The following NEK10 variants were observed in gnomAD, a reference collection of about 807,000 sequenced individuals.
The protein encoded by NEK10 is NIMA related kinase 10.
Under a neutral mutation model 159.8 loss-of-function variants are expected in NEK10, and 122 were observed. The observed-to-expected ratio is 0.76, with a 90% CI of 0.66 to 0.89. The LOEUF is 0.89. NEK10 is among the 40% of genes least tolerant of loss of function. NEK10 has a pLI of 0.00. For synonymous variants in NEK10, 466 were observed against 457.1 expected, an observed-to-expected ratio of 1.02 and a Z score of -0.25; for missense variants, 1,342 against 1,323.1, an observed-to-expected ratio of 1.01 and a Z score of -0.22.
intron 30 of NEK10, among the ~76,000 whole-genome samples, chr3:27,156,601 G>A (rs1945447136): frequency 1.3e-5 from 2 of 151,834 alleles, no homozygotes; most frequent in African/African-American, 4.8e-5. Flanking sequence ...ACCAAAATGC[G>A]ATACCACCTT....
At chr3:27,255,289 T>C (rs1473530112) in intron 23 of NEK10, 1 of 436,368 alleles carries the variant, frequency 2.3e-6, no homozygotes, top group Admixed American at 2.5e-5. Flanking sequence ...TTTCTTTGCA[T>C]CTTCTCATGA....
intron 22 of NEK10, among the ~76,000 whole-genome samples, chr3:27,264,436 T>C (rs1038787043): frequency 2.6e-5 from 4 of 152,100 alleles, no homozygotes; most frequent in African/African-American, 9.7e-5. Flanking sequence ...AAAAGCATAA[T>C]ACATAATGAT....
At position 27,108,251 on chromosome 3, in the gene NEK10, C is replaced by T. The variant is rs1053214991; in HGVS notation, c.*3021G>A. Among the ~76,000 whole-genome samples, 1 of 152,196 alleles carries T rather than the reference C, an allele frequency of 6.6e-6. No individual in the cohort carries two copies. The highest frequency in any genetic ancestry group is 6.5e-5 in the Admixed American group (1 of 15,282). On this transcript the variant is annotated 3_prime_UTR_variant, in exon 36 of 36. Transcript: ENST00000691995. ...TCTGTAAACACTGCCTAATGCCATA[C>T]AAGTGTCCACAATAAACAAGCAGCA... is the stretch of plus-strand genomic sequence containing the variant.
chr3:27,314,840 C>A (rs1025364373), intron 6 of NEK10, among the ~76,000 whole-genome samples: 3 of 152,192 alleles, frequency 2.0e-5, no homozygotes, highest in Admixed American at 2.0e-4. Flanking sequence ...CAGAATCCTG[C>A]ACCCACCCCA....
At chr3:27,163,543 A>G (rs963076339) in intron 29 of NEK10, among the ~76,000 whole-genome samples, 4 of 151,776 alleles carry the variant, frequency 2.6e-5, no homozygotes, top group African/African-American at 7.3e-5. Context: ...TAGTAGAGAC[A>G]GTGTTTCACC....
chr3:27,176,891 T>C (rs1332653407), intron 26 of NEK10, among the ~76,000 whole-genome samples: 1 of 152,234 alleles, frequency 6.6e-6, no homozygotes. Flanking sequence ...GATGCTGGAA[T>C]TCAAATATCC....
chr3:27,154,413 T>C (rs1945199346), intron 30 of NEK10, among the ~76,000 whole-genome samples: 1 of 152,178 alleles, frequency 6.6e-6, no homozygotes, highest in Non-Finnish European at 1.5e-5. Flanking sequence ...TTCCATAAGA[T>C]AGAGAAAGAG....
chr3:27,324,819 A>G (rs188789250), intron 5 of NEK10, among the ~76,000 whole-genome samples: 16 of 152,282 alleles, frequency 1.1e-4, no homozygotes, highest in South Asian at 8.3e-4. Context: ...ACCATGACTC[A>G]TAGGCCCTCC....
chr3:27,278,009 C>A (rs1429654483), intron 22 of NEK10, among the ~76,000 whole-genome samples: 1 of 152,142 alleles, frequency 6.6e-6, no homozygotes, highest in African/African-American at 2.4e-5. Flanking sequence ...CTGTAAAGAC[C>A]AGATAGTAAA....
In NEK10 at chr3:27,304,942, C is replaced by G; in HGVS notation, c.833G>C (p.Cys278Ser). Residue 278 changes from cysteine (C) to serine (S), a missense_variant, in exon 12 of 36, where the codon TGT (cysteine) becomes TCT (serine). By Grantham distance (112) the Cys-to-Ser change is moderately radical. Transcript: ENST00000691995. ...CTGCTCTTTCACCTGGGGCTCTGCA[C>G]AAAGTAGGCGCAGCAACTCCGCTGT... ...RLTAELLRLL[C>S]AEPQVKEQVK... The G allele has an allele frequency of 1.9e-6, 3 of 1,612,982 alleles. No individual in the cohort carries two copies. The highest frequency in any genetic ancestry group is 2.5e-6 in the Non-Finnish European group (3 of 1,179,550).
chr3:27,271,149 T>TTCTATCTATCTATCTA (rs72089289), intron 22 of NEK10, among the ~76,000 whole-genome samples: 4 of 148,056 alleles, frequency 2.7e-5, no homozygotes, highest in African/African-American at 5.0e-5. Context: ...TCTATCTATC[T>TTCTATCTATCTATCTA]TCTATCTATC....
intron 35 of NEK10, among the ~76,000 whole-genome samples, chr3:27,111,713 TTTTA>T (rs1559466748): frequency 6.6e-6 from 1 of 152,184 alleles, no homozygotes. Flanking sequence ...TCTCAACACA[TTTTA>T]TTATTAAAAA....
intron 26 of NEK10, among the ~76,000 whole-genome samples, chr3:27,186,074 C>G (rs1035543383): frequency 6.6e-6 from 1 of 152,186 alleles, no homozygotes; most frequent in African/African-American, 2.4e-5. Flanking sequence ...AGAATCCATT[C>G]ACTGTGGACT....
At position 27,287,693 on chromosome 3, in the gene NEK10, C is replaced by T; in HGVS notation, c.1789+5G>A. 1.3e-6 allele frequency: 2 copies of T among 1,564,084 alleles called. No homozygotes were observed. The highest frequency in any genetic ancestry group is 1.7e-6 in the Non-Finnish European group (2 of 1,161,478). On this transcript the variant is annotated splice_donor_5th_base_variant and intron_variant, in intron 20 of 35. Coordinates refer to ENST00000691995, the MANE Select transcript of NEK10 (RefSeq NM_001394966.1). ...TTTAGAAATATCATGAAAACTCATACTTACTTTCCAGAAATGTTTTGTAAT... is the reference window on the plus strand; with the variant it reads ...TTTAGAAATATCATGAAAACTCATATTTACTTTCCAGAAATGTTTTGTAAT...
chr3:27,172,981 A>G (rs1391779473), intron 28 of NEK10, among the ~76,000 whole-genome samples: 1 of 152,216 alleles, frequency 6.6e-6, no homozygotes, highest in African/African-American at 2.4e-5. Context: ...AACAACATTC[A>G]AGAAACAAAC....
chr3:27,261,071 C>A (rs1233309653), intron 22 of NEK10, among the ~76,000 whole-genome samples: 1 of 151,972 alleles, frequency 6.6e-6, no homozygotes, highest in Non-Finnish European at 1.5e-5. Flanking sequence ...GGTGATATCC[C>A]CTTTATCATT....
rs1014728595 is a variant in NEK10, at chr3:27,291,113, C to G, written c.1605+149G>C. On this transcript the variant is annotated intron_variant, in intron 18 of 35. Coordinates refer to ENST00000691995, the MANE Select transcript of NEK10 (RefSeq NM_001394966.1). ...GCTAAAACAATATTAGTGTGGCTAT[C>G]TCTGTTGGACAAAAACAATCATTCT... 7.2e-6 allele frequency: 6 copies of G among 832,096 alleles called. No individual in the cohort carries two copies. The African/African-American group carries it at 8.6e-5, about 12-fold the overall frequency. The allele number at this position is 832,096 out of a possible 1,614,324, so 51.5% of individuals were successfully genotyped here. A position where few individuals can be genotyped will look rare whatever the true frequency, so the allele number is the denominator to read the frequency against.
chr3:27,210,679 A>C (rs1272147374), intron 23 of NEK10, among the ~76,000 whole-genome samples: 4 of 152,134 alleles, frequency 2.6e-5, no homozygotes, highest in Non-Finnish European at 5.9e-5. Flanking sequence ...TATTGTTCTT[A>C]TGTACACATG....
At chr3:27,253,016 AT>A in intron 23 of NEK10, 1 of 400,852 alleles carries the variant, frequency 2.5e-6, no homozygotes, top group South Asian at 1.8e-5. Context: ...CAAAAAAATA[AT>A]TTTTTTAAAA....
Sources: allele counts gnomAD v4.1 joint callset (sites outside exome capture counted in the v4.1 genomes callset), GRCh38; gene constraint gnomAD v4.1.1; transcripts MANE v1.5; gene names NCBI Gene and HGNC (gene_info 2026-07-23, HGNC 2026-07-21).